FRMPD2: variants seen among roughly 807,000 people sequenced by gnomAD.
FRMPD2 encodes the protein FERM and PDZ domain-containing protein 2.
FRMPD2 carries 96 observed loss-of-function variants against 140.1 expected under a neutral mutation model. The observed-to-expected ratio is 0.69, with a 90% CI of 0.58 to 0.81. The LOEUF is 0.81. Among genes scored for constraint, FRMPD2 ranks in the 40% least tolerant of loss-of-function variants. The probability of loss-of-function intolerance (pLI) is 0.00; values close to 1 mark genes in which losing one functional copy is unlikely to be tolerated. For synonymous variants in FRMPD2, 449 were observed against 547.6 expected, an observed-to-expected ratio of 0.82 and a Z score of 2.52; for missense variants, 1,240 against 1,447.4, an observed-to-expected ratio of 0.86 and a Z score of 2.32.
chr10:48,214,855 G>A (rs1038112694), intron 12 of FRMPD2, among the ~76,000 whole-genome samples: 4 of 152,188 alleles, frequency 2.6e-5, no homozygotes, highest in African/African-American at 9.6e-5. Context: ...GACTGGGAAG[G>A]CATGGCAGGC....
chr10:48,251,784 C>A, intron 1 of FRMPD2, 93 bp from the exon 2 acceptor site: 1 of 1,446,404 alleles, frequency 6.9e-7, no homozygotes, highest in South Asian at 1.2e-5. Flanking sequence ...CAGGCATGGT[C>A]TGGCCACTAC....
In FRMPD2 at chr10:48,212,983, T is replaced by C. The variant is rs1346526950; in HGVS notation, c.1456-874A>G. Among the ~76,000 whole-genome samples, 10 of 152,168 alleles carry C rather than the reference T, an allele frequency of 6.6e-5. No individual in the cohort carries two copies. In the East Asian group the frequency reaches 1.9e-3, roughly 29 times the overall value. ...CAACATGTCCTGGTCTCAGGAAGCCTTTCCCAGCCTAACCCTGGGCAAGCC... is the reference window on the plus strand; with the variant it reads ...CAACATGTCCTGGTCTCAGGAAGCCCTTCCCAGCCTAACCCTGGGCAAGCC... On this transcript the variant is annotated intron_variant, in intron 12 of 28. Coordinates refer to ENST00000374201, the MANE Select transcript of FRMPD2 (RefSeq NM_001018071.4).
intron 4 of FRMPD2, among the ~76,000 whole-genome samples, chr10:48,243,030 G>C (rs898486402): frequency 1.3e-5 from 2 of 152,208 alleles, no homozygotes; most frequent in African/African-American, 2.4e-5. Flanking sequence ...TCACTTTCCA[G>C]ATAAAGGCTG....
intron 15 of FRMPD2, among the ~76,000 whole-genome samples, chr10:48,193,344 A>G (rs1384012782): frequency 1.3e-5 from 2 of 152,198 alleles, no homozygotes; most frequent in African/African-American, 4.8e-5. Context: ...TGCTCTGTGG[A>G]GTATAACCTT....
At chr10:48,215,337 T>C (rs896633594) in intron 12 of FRMPD2, among the ~76,000 whole-genome samples, 2 of 152,068 alleles carry the variant, frequency 1.3e-5, no homozygotes, top group Non-Finnish European at 2.9e-5. Context: ...AGAGAGGGGC[T>C]CTCCTCTCTG....
At chr10:48,266,185 G>A (rs552118504) in intron 1 of FRMPD2, among the ~76,000 whole-genome samples, 1 of 152,282 alleles carries the variant, frequency 6.6e-6, no homozygotes, top group South Asian at 2.1e-4. Context: ...TGGACACAAA[G>A]TGGGAAACAA....
At chr10:48,256,468 A>AT (rs1840492769) in intron 1 of FRMPD2, among the ~76,000 whole-genome samples, 1 of 152,086 alleles carries the variant, frequency 6.6e-6, no homozygotes, top group Admixed American at 6.6e-5. Context: ...ACATTTCGGT[A>AT]TTTTGTCTTC....
At chr10:48,262,310 T>C (rs190802867) in intron 1 of FRMPD2, among the ~76,000 whole-genome samples, 2 of 152,320 alleles carry the variant, frequency 1.3e-5, no homozygotes, top group South Asian at 2.1e-4. Context: ...AGATATACTA[T>C]GCTAACACAA....
At chr10:48,213,651 A>C (rs1172941103) in intron 12 of FRMPD2, among the ~76,000 whole-genome samples, 1 of 152,256 alleles carries the variant, frequency 6.6e-6, no homozygotes, top group Non-Finnish European at 1.5e-5. Flanking sequence ...GCTAAAAAAA[A>C]AATGAGCTGT....
chr10:48,273,027 A>G (rs982206389), intron 1 of FRMPD2, among the ~76,000 whole-genome samples: 1 of 152,240 alleles, frequency 6.6e-6, no homozygotes, highest in African/African-American at 2.4e-5. Context: ...GCTATATAGA[A>G]TTTGTAATAA....
Position 48,212,086 on chromosome 10 carries a change from A to G in FRMPD2, c.1479T>C (p.Phe493=). Residue 493 remains phenylalanine (F), a synonymous_variant, in exon 13 of 29, where the codon TTT becomes TTC. Transcript: ENST00000374201. ...PKEQVESKPY[F]HVEDYIPASL... is the part of the protein sequence containing the mutation. ...TCGCTGGGATGTAATCTTCAACGTG[A>G]AAGTATGGCTTACTCTCCACCTGCT... 1 of 1,614,060 alleles carries G rather than the reference A, an allele frequency of 6.2e-7. No homozygotes were observed. Among genetic ancestry groups the G allele is most frequent in the South Asian group, 1.1e-5 (1 of 91,056 alleles).
At chr10:48,251,825 G>A (rs1840391079) in intron 1 of FRMPD2, 134 bp from the exon 2 acceptor site, 3 of 956,388 alleles carry the variant, frequency 3.1e-6, no homozygotes, top group Admixed American at 2.3e-5. Context: ...TCAGCACCTG[G>A]GTCCCTGGGG....
At position 48,190,427 on chromosome 10, in the gene FRMPD2, T is replaced by C. The variant is rs567083733; in HGVS notation, c.2165+2257A>G. Among the ~76,000 whole-genome samples the C allele has an allele frequency of 2.2e-3, 330 of 152,342 alleles. 1 individual carries two copies. The highest frequency in any genetic ancestry group is 7.7e-3 in the African/African-American group (320 of 41,580). On this transcript the variant is annotated intron_variant, in intron 16 of 28. Coordinates refer to ENST00000374201, the MANE Select transcript of FRMPD2 (RefSeq NM_001018071.4). Reference sequence around the variant, plus strand: ...CTGTCCTGCAGTTCTAGGAGGCCTCTGCACACCTCTGTGGAGCTGAGCCCT... The same window carrying C: ...CTGTCCTGCAGTTCTAGGAGGCCTCCGCACACCTCTGTGGAGCTGAGCCCT...
At chr10:48,160,913 C>T (rs558514521) in intron 28 of FRMPD2, among the ~76,000 whole-genome samples, 3 of 147,752 alleles carry the variant, frequency 2.0e-5, no homozygotes, top group East Asian at 2.0e-4. Context: ...TGCAAACTGA[C>T]GTCCTATTGG....
At chr10:48,176,747 C>G (rs1355445111) in intron 22 of FRMPD2, among the ~76,000 whole-genome samples, 24 of 152,056 alleles carry the variant, frequency 1.6e-4, no homozygotes, top group African/African-American at 5.3e-4. Flanking sequence ...GGCTGTTACC[C>G]CAAGCCAAGA....
intron 1 of FRMPD2, 73 bp from the exon 2 acceptor site, chr10:48,251,764 C>G (rs1336710981): frequency 6.3e-7 from 1 of 1,576,356 alleles, no homozygotes; most frequent in Admixed American, 1.7e-5. Flanking sequence ...ACTCGCCACT[C>G]TGGTGCAGCC....
chr10:48,273,558 T>C (rs1046667935), intron 1 of FRMPD2, among the ~76,000 whole-genome samples: 1 of 152,168 alleles, frequency 6.6e-6, no homozygotes, highest in Non-Finnish European at 1.5e-5. Context: ...TCCCAACTCC[T>C]GCTAGTGTTC....
chr10:48,231,314 A>T (rs1368184967), intron 10 of FRMPD2, among the ~76,000 whole-genome samples: 1 of 152,192 alleles, frequency 6.6e-6, no homozygotes, highest in East Asian at 1.9e-4. Context: ...ATACCATAGA[A>T]ACTTTTTTCC....
intron 14 of FRMPD2, among the ~76,000 whole-genome samples, chr10:48,205,346 T>C (rs997137090): frequency 6.6e-6 from 1 of 152,132 alleles, no homozygotes; most frequent in African/African-American, 2.4e-5. Flanking sequence ...AATCAAGAAA[T>C]CCCCTGGTGG....
Sources: gnomAD v4.1 joint callset for allele counts (sites outside exome capture counted in the v4.1 genomes callset) on GRCh38, gnomAD v4.1.1 for gene constraint, MANE v1.5 for transcripts, NCBI Gene and HGNC (gene_info 2026-07-23, HGNC 2026-07-21) for gene names.